Variants in RBFOX1 observed in about 807,000 individuals in gnomAD.
RBFOX1 encodes the protein RNA binding protein fox-1 homolog 1.
A neutral mutation model predicts 57.7 loss-of-function variants in RBFOX1; 8 were observed. The observed-to-expected ratio is 0.14, with a 90% CI of 0.08 to 0.25. The LOEUF is 0.25. Among genes scored for constraint, RBFOX1 ranks in the 10% least tolerant of loss-of-function variants. The pLI, the probability that RBFOX1 is intolerant of heterozygous loss-of-function variation, is 1.00. For synonymous variants in RBFOX1, 326 were observed against 222.4 expected (o/e 1.47, Z -4.15); for missense variants, 611 against 548.5 (o/e 1.11, Z -1.14).
chr16:6,025,366 T>C (rs1273072495), intron 1 of RBFOX1, among the ~76,000 whole-genome samples: 1 of 152,186 alleles, frequency 6.6e-6, no homozygotes, highest in African/African-American at 2.4e-5. Context: ...GATTACTTTA[T>C]AGGGAAAAAG....
chr16:5,355,082 A>C (rs115818210), intron 1 of RBFOX1, among the ~76,000 whole-genome samples: 4,491 of 152,092 alleles, frequency 0.03, 91 homozygotes, highest in South Asian at 0.08. Flanking sequence ...AATAAGAGAG[A>C]ATAAAAGAGA....
chr16:6,333,975 T>C (rs111262802), intron 2 of RBFOX1, among the ~76,000 whole-genome samples: 284 of 152,272 alleles, frequency 1.9e-3, no homozygotes, highest in African/African-American at 6.3e-3. Flanking sequence ...TGAATTAAAA[T>C]TATTTCTTTT....
intron 1 of RBFOX1, among the ~76,000 whole-genome samples, chr16:6,288,883 A>G (rs2077167965): frequency 6.6e-6 from 1 of 152,106 alleles, no homozygotes; most frequent in African/African-American, 2.4e-5. Flanking sequence ...TAGTGGAACC[A>G]ACAGCGAATT....
intron 4 of RBFOX1, among the ~76,000 whole-genome samples, chr16:7,274,332 G>C (rs1417375280): frequency 6.6e-6 from 1 of 152,152 alleles, no homozygotes; most frequent in Non-Finnish European, 1.5e-5. Flanking sequence ...TTATTCTTGA[G>C]AGAACTGAAA....
chr16:6,421,906 G>A (rs2093783140), intron 2 of RBFOX1, among the ~76,000 whole-genome samples: 1 of 144,110 alleles, frequency 6.9e-6, no homozygotes, highest in Non-Finnish European at 1.5e-5. Context: ...TGTTCCTCCT[G>A]TTTAGGGACC....
Position 5,751,610 on chromosome 16 carries a change from G to A in RBFOX1, c.319-115693G>A, listed in dbSNP as rs191963172. Among the ~76,000 whole-genome samples, 6 of 152,286 alleles carry A rather than the reference G, an allele frequency of 3.9e-5. No individual in the cohort carries two copies. The East Asian group carries it at 9.7e-4, about 25-fold the overall frequency. On this transcript the variant is annotated intron_variant, in intron 3 of 19. Transcript: ENST00000641259. ...AGCCACCTAAAGTCACACAGATACT[G>A]GAGAGCAGAACCGCATCAGTCTCAG...
intron 2 of RBFOX1, among the ~76,000 whole-genome samples, chr16:6,403,222 A>T (rs930754446): frequency 1.3e-5 from 2 of 152,150 alleles, no homozygotes; most frequent in Admixed American, 6.5e-5. Flanking sequence ...TTAAACCAAG[A>T]TACTCAGGTA....
At chr16:6,554,100 A>G (rs1024041043) in intron 2 of RBFOX1, among the ~76,000 whole-genome samples, 4 of 152,228 alleles carry the variant, frequency 2.6e-5, no homozygotes, top group African/African-American at 9.7e-5. Context: ...TCTGTGCAAA[A>G]TGAAAATAAC....
At chr16:6,030,658 C>T (rs955873919) in intron 1 of RBFOX1, among the ~76,000 whole-genome samples, 2 of 152,052 alleles carry the variant, frequency 1.3e-5, no homozygotes, top group Non-Finnish European at 2.9e-5. Flanking sequence ...TTTAAAACAC[C>T]AGGAACCCTG....
At chr16:6,665,924 T>C (rs1013472044) in intron 3 of RBFOX1, among the ~76,000 whole-genome samples, 28 of 152,138 alleles carry the variant, frequency 1.8e-4, no homozygotes, top group African/African-American at 6.8e-4. Context: ...GGAGCTCCCA[T>C]AATTCCCACA....
chr16:6,248,824 G>T (rs2097584788), intron 1 of RBFOX1, among the ~76,000 whole-genome samples: 1 of 152,114 alleles, frequency 6.6e-6, no homozygotes, highest in African/African-American at 2.4e-5. Flanking sequence ...ATAGCCACAT[G>T]CATTAGCTGT....
rs115186232 is a variant in RBFOX1, at chr16:6,931,625, C to G, written c.-15-120432C>G. ...CCCCACAACCACCACAATGCTTTGT[C>G]TTTGCCAGCTTCTATCCCTATTTGA... On this transcript the variant is annotated intron_variant, in intron 3 of 15. Coordinates refer to ENST00000550418, the MANE Select transcript of RBFOX1 (RefSeq NM_018723.4). Among the ~76,000 whole-genome samples the G allele has an allele frequency of 8.1e-3, 1,230 of 152,194 alleles. 15 individuals are homozygous for G. Among genetic ancestry groups the G allele is most frequent in the African/African-American group, 0.028 (1,165 of 41,516 alleles).
chr16:5,770,494 A>G (rs1438965878), intron 3 of RBFOX1, among the ~76,000 whole-genome samples: 2 of 152,190 alleles, frequency 1.3e-5, no homozygotes, highest in African/African-American at 2.4e-5. Context: ...CCCCTTGTTT[A>G]GCATATAATT....
intron 2 of RBFOX1, among the ~76,000 whole-genome samples, chr16:6,478,572 G>T (rs993901367): frequency 1.3e-5 from 2 of 150,912 alleles, no homozygotes; most frequent in South Asian, 4.2e-4. Flanking sequence ...AGCTTTAAAA[G>T]TGTCTTCGTC....
At chr16:6,821,596 C>A (rs770407504) in intron 3 of RBFOX1, among the ~76,000 whole-genome samples, 1 of 152,180 alleles carries the variant, frequency 6.6e-6, no homozygotes, top group Non-Finnish European at 1.5e-5. Context: ...CGGTCTGTCA[C>A]AATGGATGTG....
At chr16:7,318,432 C>A (rs1285579531) in intron 4 of RBFOX1, among the ~76,000 whole-genome samples, 2 of 152,042 alleles carry the variant, frequency 1.3e-5, no homozygotes, top group Non-Finnish European at 2.9e-5. Flanking sequence ...AATAGTTTCA[C>A]ACATAAGTAC....
At chr16:7,227,949 G>T (rs2093254701) in intron 4 of RBFOX1, among the ~76,000 whole-genome samples, 1 of 152,168 alleles carries the variant, frequency 6.6e-6, no homozygotes, top group African/African-American at 2.4e-5. Flanking sequence ...TCTTTGCGGT[G>T]AGGAGGCCAC....
chr16:7,396,517 C>T (rs2098141463), intron 4 of RBFOX1, among the ~76,000 whole-genome samples: 1 of 152,208 alleles, frequency 6.6e-6, no homozygotes, highest in Non-Finnish European at 1.5e-5. Context: ...AGGACACAGT[C>T]ACTCAGAGTA....
chr16:5,793,345 C>A (rs1046573138), intron 3 of RBFOX1, among the ~76,000 whole-genome samples: 1 of 152,242 alleles, frequency 6.6e-6, no homozygotes, highest in Non-Finnish European at 1.5e-5. Flanking sequence ...GTTTTGTCAA[C>A]ATGCCATTGA....
Sources: gnomAD v4.1 joint callset for allele counts (sites outside exome capture counted in the v4.1 genomes callset) on GRCh38, gnomAD v4.1.1 for gene constraint, MANE v1.5 for transcripts, NCBI Gene and HGNC (gene_info 2026-07-23, HGNC 2026-07-21) for gene names.